SV2C: variants seen among roughly 807,000 people sequenced by gnomAD.
SV2C encodes synaptic vesicle glycoprotein 2C, also known as solute carrier family 22 member B3.
In SV2C, 49 loss-of-function variants were observed where a neutral mutation model predicts 79.7. That is an observed-to-expected ratio of 0.61 (90% CI 0.49 to 0.78). The LOEUF (loss-of-function observed/expected upper bound fraction) is 0.78, where lower values mean the gene tolerates loss of function less well. Ranked by LOEUF, SV2C falls within the 30% of genes least tolerant of loss-of-function variation. The pLI, the probability that SV2C is intolerant of heterozygous loss-of-function variation, is 0.00. For synonymous variants in SV2C, 334 were observed against 333.2 expected, an observed-to-expected ratio of 1.00 and a Z score of -0.03; for missense variants, 833 against 912.9, an observed-to-expected ratio of 0.91 and a Z score of 1.13.
At chr5:76,279,653 G>A (rs1047514118) in intron 4 of SV2C, among the ~76,000 whole-genome samples, 2 of 152,186 alleles carry the variant, frequency 1.3e-5, no homozygotes, top group African/African-American at 2.4e-5. Context: ...TGTTTGGGGT[G>A]AGAATACTGG....
the SV2C span, among the ~76,000 whole-genome samples, chr5:75,973,335 A>G: frequency 6.7e-6 from 1 of 149,318 alleles, no homozygotes; most frequent in Non-Finnish European, 1.5e-5. Flanking sequence ...TAATAATAAA[A>G]TAAAAAAAAA....
intron 12 of SV2C, among the ~76,000 whole-genome samples, chr5:76,342,614 T>C (rs191676677): frequency 2.0e-5 from 3 of 152,242 alleles, no homozygotes; most frequent in East Asian, 3.9e-4. Context: ...CTGCCAGGAG[T>C]TGGGAGCTCA....
chr5:75,929,683 C>T, the SV2C span, among the ~76,000 whole-genome samples: 1 of 152,030 alleles, frequency 6.6e-6, no homozygotes, highest in Non-Finnish European at 1.5e-5. Context: ...TGGGTTGCAA[C>T]ATTACACAAA....
intron 1 of SV2C, among the ~76,000 whole-genome samples, chr5:76,084,709 G>A (rs1188312023): frequency 1.3e-5 from 2 of 151,382 alleles, no homozygotes; most frequent in Non-Finnish European, 3.0e-5. Context: ...GGTGGCGGGC[G>A]GGGGCAGGCG....
intron 2 of SV2C, among the ~76,000 whole-genome samples, chr5:76,152,142 G>A (rs998111995): frequency 3.3e-5 from 5 of 152,206 alleles, no homozygotes; most frequent in African/African-American, 1.2e-4. Flanking sequence ...AGGGGACGGG[G>A]CTGAGAAAAG....
At chr5:76,137,697 A>G (rs1749114592) in intron 2 of SV2C, among the ~76,000 whole-genome samples, 1 of 152,230 alleles carries the variant, frequency 6.6e-6, no homozygotes, top group Non-Finnish European at 1.5e-5. Context: ...AATTAAAAAA[A>G]TCATATTACA....
At chr5:76,335,924 A>C (rs1024862820), downstream of SV2C, among the ~76,000 whole-genome samples, 2 of 152,136 alleles carry the variant, frequency 1.3e-5, no homozygotes, top group African/African-American at 4.8e-5. Flanking sequence ...CCCGTTCTCA[A>C]TGAGCTGTTG....
chr5:76,303,988 C>T (rs7706143), intron 12 of SV2C, among the ~76,000 whole-genome samples: 331 of 152,164 alleles, frequency 2.2e-3, no homozygotes, highest in African/African-American at 7.7e-3. Context: ...TGTTGGAGAC[C>T]CAGGGATCAT....
At chr5:75,892,416 C>A in the SV2C span, among the ~76,000 whole-genome samples, 1 of 151,724 alleles carries the variant, frequency 6.6e-6, no homozygotes, top group Non-Finnish European at 1.5e-5. Context: ...ATCAAACTTA[C>A]CCCTTCTTTT....
chr5:76,029,454 T>C, the SV2C span, among the ~76,000 whole-genome samples: 63,414 of 149,888 alleles, frequency 0.42, 15,286 homozygotes, highest in Middle Eastern at 0.59. Context: ...CAGAGAGTCA[T>C]TGAATAGACA....
upstream of SV2C, among the ~76,000 whole-genome samples, chr5:76,081,388 T>A (rs1464738049): frequency 2.0e-5 from 3 of 152,350 alleles, no homozygotes; most frequent in South Asian, 4.1e-4. Flanking sequence ...CAAATTTTTA[T>A]AAATAACATG....
chr5:75,933,577 A>G, the SV2C span, among the ~76,000 whole-genome samples: 1 of 152,194 alleles, frequency 6.6e-6, no homozygotes, highest in African/African-American at 2.4e-5. Flanking sequence ...ACTGGGAAGA[A>G]CTACCCTAGG....
At chr5:76,291,726 T>A (rs1747571589) in intron 7 of SV2C, 42 bp from the exon 8 acceptor site, 1 of 1,458,234 alleles carries the variant, frequency 6.9e-7, no homozygotes, top group Admixed American at 1.8e-5. Flanking sequence ...TGGGGTTGAC[T>A]AAGTAACTGC....
chr5:76,309,595 A>G (rs1221457551), intron 12 of SV2C, among the ~76,000 whole-genome samples: 3 of 119,198 alleles, frequency 2.5e-5, no homozygotes, highest in Admixed American at 8.6e-5. Flanking sequence ...GCGAAACTCC[A>G]TCTCAAAAAA....
the SV2C span, among the ~76,000 whole-genome samples, chr5:76,045,405 G>C: frequency 1.3e-5 from 2 of 151,954 alleles, no homozygotes; most frequent in Non-Finnish European, 2.9e-5. Context: ...AGCTCTTTTT[G>C]GGTTTCATAT....
At chr5:75,894,488 T>G in the SV2C span, among the ~76,000 whole-genome samples, 9 of 152,182 alleles carry the variant, frequency 5.9e-5, no homozygotes, top group East Asian at 1.7e-3. Context: ...GGACAGTCTC[T>G]GGAGGGAGCA....
the SV2C span, among the ~76,000 whole-genome samples, chr5:75,997,373 C>CAA: frequency 5.9e-5 from 9 of 151,678 alleles, no homozygotes; most frequent in Non-Finnish European, 1.2e-4. Context: ...TTCTGCGCAG[C>CAA]AAAAAAACCT....
At chr5:76,098,016 T>A (rs1252142659) in intron 1 of SV2C, among the ~76,000 whole-genome samples, 1 of 151,916 alleles carries the variant, frequency 6.6e-6, no homozygotes, top group African/African-American at 2.4e-5. Flanking sequence ...AGGTCCTGAG[T>A]TTTTTACTGT....
intron 2 of SV2C, among the ~76,000 whole-genome samples, chr5:76,145,062 C>T (rs1749376484): frequency 6.6e-6 from 1 of 152,210 alleles, no homozygotes; most frequent in South Asian, 2.1e-4. Context: ...GGGAAGATTA[C>T]CTCCATACTG....
Sources: allele counts gnomAD v4.1 joint callset (sites outside exome capture counted in the v4.1 genomes callset), GRCh38; gene constraint gnomAD v4.1.1; transcripts MANE v1.5; gene names NCBI Gene and HGNC (gene_info 2026-07-23, HGNC 2026-07-21).